Variants in TSSK1B observed in about 807,000 individuals in gnomAD.
The protein encoded by TSSK1B is testis-specific serine/threonine-protein kinase 1.
In TSSK1B, 2 loss-of-function variants were observed where a neutral mutation model predicts 4.0. The ratio of observed to expected loss-of-function variants is 0.50; its 90% CI spans 0.20 to 1.57. TSSK1B has a LOEUF of 1.57. Ranked by LOEUF, TSSK1B falls within the 40% of genes most tolerant of loss-of-function variation. The pLI is 0.22. For missense variants in TSSK1B, 488 were observed against 495.1 expected (o/e 0.99, Z 0.14); for synonymous variants, 198 against 200.7 (o/e 0.99, Z 0.11).
At position 113,434,811 on chromosome 5, in the gene TSSK1B, C is replaced by T. The variant is rs1477878000; in HGVS notation, c.29G>A (p.Arg10Gln). The T allele has an allele frequency of 3.7e-6, 6 of 1,612,054 alleles. No individual in the cohort carries two copies. The highest frequency in any genetic ancestry group is 1.7e-5 in the Admixed American group (1 of 59,984). The change falls in exon 1 of 1, where the codon CGA becomes CAA. Residue 10 changes from arginine to glutamine, a missense_variant. Physicochemically the swap from Arg to Gln is conservative, Grantham distance 43. Transcript: ENST00000390666. This position sits in a 1 kb window ranked among gnomAD's most constrained non-coding sequence, Gnocchi z 4.2. The stretch of plus-strand genomic sequence containing the variant: ...TAAATTTATCCCCAGGAGGTAGCCT[C>T]GTCGCTTGAGGACAGCAGCGTCATC... MDDAAVLKR[R>Q]GYLLGINLGE...
Position 113,434,314 on chromosome 5 carries a change from A to G in TSSK1B, c.526T>C (p.Cys176Arg). The G allele has an allele frequency of 6.2e-7, 1 of 1,614,086 alleles. No homozygotes were observed. The highest frequency in any genetic ancestry group is 8.5e-7 in the Non-Finnish European group (1 of 1,179,966). Residue 176 changes from cysteine to arginine, a missense_variant, in exon 1 of 1, where the codon TGT becomes CGT. Physicochemically the swap from Cys to Arg is radical, Grantham distance 180 (BLOSUM62 -3). Coordinates refer to ENST00000390666, the MANE Select transcript of TSSK1B (RefSeq NM_032028.4). The surrounding 1 kb of genome is among the most constrained non-coding windows in gnomAD (Gnocchi z 4.2). ...SGRMALSKTF[C>R]GSPAYAAPEV... ...GGGGCCGCATACGCTGGTGACCCAC[A>G]GAAGGTCTTGCTTAATGCCATTCGA...
rs1770770022 is a variant in TSSK1B at position 113,434,193 on chromosome 5, T to C, written c.647A>G (p.Tyr216Cys). The C allele has an allele frequency of 6.2e-7, 1 of 1,614,108 alleles. No individual in the cohort carries two copies. The highest frequency in any genetic ancestry group is 8.5e-7 in the Non-Finnish European group (1 of 1,179,976). Residue 216 changes from tyrosine (Y) to cysteine (C), a missense_variant, in exon 1 of 1, where the codon TAC (tyrosine) becomes TGC (cysteine). By Grantham distance (194) the Tyr-to-Cys change is radical (BLOSUM62 -2). Coordinates refer to ENST00000390666, the MANE Select transcript of TSSK1B (RefSeq NM_032028.4). The surrounding 1 kb of genome is among the most constrained non-coding windows in gnomAD (Gnocchi z 4.2). ...LYIMVCGSMP[Y>C]DDSNIKKMLR... The stretch of plus-strand genomic sequence containing the variant: ...CATCTTCTTGATGTTGGAGTCGTCG[T>C]AGGGCATGGAGCCGCAGACCATGAT...
Sources: allele counts gnomAD v4.1 joint callset, GRCh38; gene constraint gnomAD v4.1.1; non-coding constraint Gnocchi (gnomAD v3.1); transcripts MANE v1.5; gene names NCBI Gene and HGNC (gene_info 2026-07-23, HGNC 2026-07-21).